Variants in C8orf34 observed in about 807,000 individuals in gnomAD.
The protein encoded by C8orf34 is uncharacterized protein C8orf34.
Under a neutral mutation model 68.3 loss-of-function variants are expected in C8orf34, and 65 were observed. That is an observed-to-expected ratio of 0.95 (90% CI 0.78 to 1.17). C8orf34 has a LOEUF of 1.17. C8orf34 is among the 50% of genes most tolerant of loss of function. C8orf34 has a pLI of 0.00. For synonymous variants in C8orf34, 244 were observed against 241.2 expected (o/e 1.01, Z -0.11); for missense variants, 664 against 655.4 (o/e 1.01, Z -0.14).
intron 13 of C8orf34, among the ~76,000 whole-genome samples, chr8:68,816,401 C>T (rs1824821360): frequency 6.6e-6 from 1 of 152,050 alleles, no homozygotes; most frequent in African/African-American, 2.4e-5. Context: ...ACTTTATGAA[C>T]TGGATACACA....
intron 6 of C8orf34, among the ~76,000 whole-genome samples, chr8:68,527,491 GA>G (rs1269131082): frequency 1.3e-5 from 2 of 152,178 alleles, no homozygotes; most frequent in Admixed American, 1.3e-4. Flanking sequence ...AGAATGGCGT[GA>G]ACCCGGGAGG....
chr8:68,384,156 AG>A (rs1808156397), intron 1 of C8orf34, among the ~76,000 whole-genome samples: 2 of 152,242 alleles, frequency 1.3e-5, no homozygotes, highest in South Asian at 2.1e-4. Context: ...CTATTTTCTA[AG>A]ACTATTATTT....
At chr8:68,471,443 T>C (rs1363812250) in intron 4 of C8orf34, among the ~76,000 whole-genome samples, 2 of 152,170 alleles carry the variant, frequency 1.3e-5, no homozygotes, top group African/African-American at 4.8e-5. Flanking sequence ...AGCTTTACTG[T>C]TTGCTGATGA....
intron 5 of C8orf34, among the ~76,000 whole-genome samples, chr8:68,521,002 T>C (rs1456438145): frequency 6.6e-6 from 1 of 152,238 alleles, no homozygotes; most frequent in Non-Finnish European, 1.5e-5. Context: ...TATTTTACCA[T>C]TGTTTTCCTC....
At chr8:68,792,581 A>T in intron 12 of C8orf34, 1 of 98,578 alleles carries the variant, frequency 1.0e-5, no homozygotes. Flanking sequence ...CAAAAAAAAA[A>T]AAAAAAAAAA....
intron 1 of C8orf34, among the ~76,000 whole-genome samples, chr8:68,370,339 A>G (rs777954941): frequency 1.3e-5 from 2 of 152,066 alleles, no homozygotes; most frequent in Admixed American, 6.5e-5. Flanking sequence ...AAATATGTCC[A>G]TTTTGCCTAT....
intron 7 of C8orf34, among the ~76,000 whole-genome samples, chr8:68,560,234 C>G (rs1816380968): frequency 6.6e-6 from 1 of 151,806 alleles, no homozygotes; most frequent in South Asian, 2.1e-4. Context: ...TGCCGAGAGA[C>G]AGTTCACACA....
chr8:68,466,282 C>T (rs978083425), intron 3 of C8orf34, among the ~76,000 whole-genome samples: 9 of 151,670 alleles, frequency 5.9e-5, no homozygotes, highest in African/African-American at 1.2e-4. Flanking sequence ...CATAAGCATA[C>T]GGTAAGATAG....
chr8:68,624,100 G>A (rs576239268), intron 7 of C8orf34, among the ~76,000 whole-genome samples: 2 of 151,854 alleles, frequency 1.3e-5, no homozygotes, highest in South Asian at 2.1e-4. Context: ...GTGAAACCGG[G>A]TCTCTACTAA....
intron 7 of C8orf34, among the ~76,000 whole-genome samples, chr8:68,608,220 G>T (rs975305904): frequency 6.6e-6 from 1 of 151,988 alleles, no homozygotes; most frequent in Admixed American, 6.6e-5. Context: ...CCATGTGAAA[G>T]AAATGAGTAT....
intron 3 of C8orf34, among the ~76,000 whole-genome samples, chr8:68,454,363 G>A (rs1196380733): frequency 6.6e-6 from 1 of 151,980 alleles, no homozygotes; most frequent in Non-Finnish European, 1.5e-5. Flanking sequence ...TAAATGCTGG[G>A]TTGAATTTAC....
At chr8:68,764,314 T>A (rs543980595) in intron 10 of C8orf34, among the ~76,000 whole-genome samples, 27 of 152,286 alleles carry the variant, frequency 1.8e-4, no homozygotes, top group Non-Finnish European at 2.9e-4. Context: ...TGATGGAAAG[T>A]CAAGATACAG....
intron 1 of C8orf34, among the ~76,000 whole-genome samples, chr8:68,362,421 G>C (rs1241834072): frequency 6.6e-6 from 1 of 152,040 alleles, no homozygotes; most frequent in African/African-American, 2.4e-5. Flanking sequence ...GGAGGGAGGA[G>C]CCAAGATGGC....
chr8:68,420,450 A>G (rs1809914586), intron 1 of C8orf34, among the ~76,000 whole-genome samples: 1 of 152,150 alleles, frequency 6.6e-6, no homozygotes, highest in Non-Finnish European at 1.5e-5. Context: ...ACCAGGCGCT[A>G]CTTTCTACTT....
intron 1 of C8orf34, among the ~76,000 whole-genome samples, chr8:68,397,679 GGA>G (rs1276462123): frequency 1.3e-5 from 2 of 152,010 alleles, no homozygotes; most frequent in Non-Finnish European, 2.9e-5. Context: ...GGCTAGATTG[GGA>G]TGCACATTTT....
intron 7 of C8orf34, among the ~76,000 whole-genome samples, chr8:68,545,049 A>G (rs573328917): frequency 6.6e-6 from 1 of 152,292 alleles, no homozygotes; most frequent in Non-Finnish European, 1.5e-5. Context: ...AAACAGGATC[A>G]GAAAAATACA....
chr8:68,505,270 T>A (rs1363825064), intron 5 of C8orf34, among the ~76,000 whole-genome samples: 1 of 152,226 alleles, frequency 6.6e-6, no homozygotes, highest in African/African-American at 2.4e-5. Context: ...TTATTTACAT[T>A]TTTAAATGAC....
intron 12 of C8orf34, among the ~76,000 whole-genome samples, chr8:68,788,112 A>G (rs1823895345): frequency 6.6e-6 from 1 of 152,196 alleles, no homozygotes; most frequent in Non-Finnish European, 1.5e-5. Context: ...AAATTGTAAG[A>G]CATATGGGCC....
chr8:68,399,883 T>C (rs1589055), intron 1 of C8orf34, among the ~76,000 whole-genome samples: 96,574 of 152,000 alleles, frequency 0.64, 30,760 homozygotes, highest in African/African-American at 0.69. Context: ...TATCTTATTG[T>C]AGTTTTAATT....
Sources: allele counts gnomAD v4.1 joint callset (sites outside exome capture counted in the v4.1 genomes callset), GRCh38; gene constraint gnomAD v4.1.1; transcripts MANE v1.5; gene names NCBI Gene and HGNC (gene_info 2026-07-23, HGNC 2026-07-21).